COL13A1: variants seen among roughly 807,000 people sequenced by gnomAD.
COL13A1 encodes the protein collagen alpha-1(XIII) chain.
COL13A1 carries 89 observed loss-of-function variants against 130.9 expected under a neutral mutation model. The ratio of observed to expected loss-of-function variants is 0.68; its 90% confidence interval spans 0.57 to 0.81. The LOEUF (loss-of-function observed/expected upper bound fraction) is 0.81, where lower values mean the gene tolerates loss of function less well. Among genes scored for constraint, COL13A1 ranks in the 30% least tolerant of loss-of-function variants. COL13A1 has a pLI of 0.00. For missense variants in COL13A1, 879 were observed against 934.6 expected (o/e 0.94, Z 0.78); for synonymous variants, 402 against 341.6 (o/e 1.18, Z -1.95).
intron 2 of COL13A1, chr10:69,860,650 TG>T: frequency 5.8e-6 from 1 of 173,080 alleles, no homozygotes; most frequent in South Asian, 8.0e-5. Flanking sequence ...TGCCAGGGGC[TG>T]GGCATCACCC....
intron 17 of COL13A1, among the ~76,000 whole-genome samples, chr10:69,913,576 C>A (rs900961306): frequency 1.3e-5 from 2 of 152,206 alleles, no homozygotes; most frequent in African/African-American, 2.4e-5. Flanking sequence ...CACTGTCCTC[C>A]TCGGGCAATA....
intron 2 of COL13A1, among the ~76,000 whole-genome samples, chr10:69,854,160 C>T (rs1423573726): frequency 6.6e-6 from 1 of 152,184 alleles, no homozygotes. Flanking sequence ...GCCCGGGCCT[C>T]AATCTTCAGC....
intron 18 of COL13A1, 96 bp downstream of exon 18, chr10:69,917,429 G>A: frequency 9.2e-7 from 1 of 1,091,402 alleles, no homozygotes; most frequent in South Asian, 1.5e-5. Flanking sequence ...TGGAGTCCCA[G>A]CTCTTTGGGC....
At chr10:69,829,116 GCCATGACCTGGGCTTCAGGCTGAACACCA>G (rs1373223260) in intron 2 of COL13A1, 2 of 473,474 alleles carry the variant, frequency 4.2e-6, no homozygotes, top group Non-Finnish European at 5.5e-6. Flanking sequence ...CAGCATCTAA[GCCATGACCTGGGCTTCAGGCTGAACACCA>G]CCATTTCCCT....
chr10:69,924,646 G>T (rs908214517), intron 24 of COL13A1, among the ~76,000 whole-genome samples: 6 of 152,102 alleles, frequency 3.9e-5, no homozygotes, highest in African/African-American at 1.4e-4. Flanking sequence ...AGAAGCAAAC[G>T]TCCCTGCTCC....
chr10:69,830,297 GA>G (rs1293080935), intron 2 of COL13A1, among the ~76,000 whole-genome samples: 3 of 152,120 alleles, frequency 2.0e-5, no homozygotes, highest in African/African-American at 7.2e-5. Flanking sequence ...ACTGTAGTAA[GA>G]AAAAAGGAAA....
chr10:69,941,482 G>A (rs1368519412), intron 35 of COL13A1, among the ~76,000 whole-genome samples: 1 of 152,210 alleles, frequency 6.6e-6, no homozygotes, highest in Non-Finnish European at 1.5e-5. Context: ...GCAGCCACCA[G>A]TCTGGTATAT....
intron 26 of COL13A1, among the ~76,000 whole-genome samples, chr10:69,926,423 C>T (rs1430082561): frequency 6.6e-6 from 1 of 152,100 alleles, no homozygotes; most frequent in Non-Finnish European, 1.5e-5. Flanking sequence ...CAGCAGCGTC[C>T]CCAGTCTCTA....
chr10:69,923,722 C>T (rs1225465484), intron 23 of COL13A1, 80 bp from the exon 24 acceptor site: 13 of 1,528,888 alleles, frequency 8.5e-6, no homozygotes, highest in Middle Eastern at 1.7e-4. Flanking sequence ...TAGGCATGAG[C>T]GGCAAGACCA....
chr10:69,813,251 C>T (rs189456394), intron 1 of COL13A1, among the ~76,000 whole-genome samples: 15 of 152,306 alleles, frequency 9.8e-5, no homozygotes, highest in East Asian at 1.9e-4. Flanking sequence ...CCCTGAGATC[C>T]TTGAGGTCCT....
chr10:69,875,433 C>T (rs1406262744), intron 5 of COL13A1, among the ~76,000 whole-genome samples: 1 of 152,200 alleles, frequency 6.6e-6, no homozygotes, highest in Admixed American at 6.5e-5. Flanking sequence ...GAACAAAGCC[C>T]TTTGCCAGTC....
At chr10:69,840,600 A>T (rs1377211038) in intron 2 of COL13A1, among the ~76,000 whole-genome samples, 2 of 152,156 alleles carry the variant, frequency 1.3e-5, no homozygotes, top group Non-Finnish European at 2.9e-5. Flanking sequence ...TTGAAACTTG[A>T]GTGAGGTAAG....
intron 2 of COL13A1, among the ~76,000 whole-genome samples, chr10:69,851,027 G>C (rs1294259995): frequency 6.6e-6 from 1 of 150,428 alleles, no homozygotes; most frequent in Non-Finnish European, 1.5e-5. Context: ...GGCACTACAG[G>C]GGCCTTTCTA....
intron 2 of COL13A1, chr10:69,860,717 G>A: frequency 7.2e-6 from 2 of 278,208 alleles, no homozygotes; most frequent in South Asian, 3.2e-5. Flanking sequence ...CTTGCCTGTG[G>A]CCTTCTGCGG....
At chr10:69,953,001 G>C in intron 39 of COL13A1, 33 bp downstream of exon 39, 1 of 1,457,660 alleles carries the variant, frequency 6.9e-7, no homozygotes, top group Non-Finnish European at 9.1e-7. Context: ...CATTGTTCTG[G>C]TTTTTGTTCT....
intron 2 of COL13A1, among the ~76,000 whole-genome samples, chr10:69,854,094 C>T (rs1487603010): frequency 6.6e-6 from 1 of 152,250 alleles, no homozygotes; most frequent in Admixed American, 6.5e-5. Context: ...TCCTCGGCCT[C>T]CCGAGAACCC....
In COL13A1 at chr10:69,925,913, C is replaced by A. The variant is rs751241749; in HGVS notation, c.1398+41C>A. On this transcript the variant is annotated intron_variant, in intron 26 of 40. Transcript: ENST00000645393. Reference sequence around the variant, plus strand: ...CCCAGAGGCCAAGATCCTCATGGATCTCAGGCTCTGCACCATGCCCTGATC... The same window carrying A: ...CCCAGAGGCCAAGATCCTCATGGATATCAGGCTCTGCACCATGCCCTGATC... The A allele has an allele frequency of 7.3e-6, 11 of 1,508,368 alleles. No individual in the cohort carries two copies. In the African/African-American group the frequency reaches 1.2e-4, roughly 17 times the overall value. The allele number at this position is 1,508,368 out of a possible 1,614,324, so 93.4% of individuals were successfully genotyped here.
intron 27 of COL13A1, 89 bp downstream of exon 27, chr10:69,927,199 C>T (rs2065484959): frequency 5.0e-6 from 8 of 1,585,974 alleles, no homozygotes; most frequent in Non-Finnish European, 6.9e-6. Flanking sequence ...TTTCTCCCCT[C>T]CAGAAAGCAG....
chr10:69,864,975 C>T (rs1415039622), intron 2 of COL13A1, among the ~76,000 whole-genome samples: 1 of 152,234 alleles, frequency 6.6e-6, no homozygotes, highest in East Asian at 1.9e-4. Context: ...CAGGTTCCTC[C>T]TGAGGAAGCA....
Sources: gnomAD v4.1 joint callset for allele counts (sites outside exome capture counted in the v4.1 genomes callset) on GRCh38, gnomAD v4.1.1 for gene constraint, MANE v1.5 for transcripts, NCBI Gene and HGNC (gene_info 2026-07-23, HGNC 2026-07-21) for gene names.